Variants in SEMA6D observed in about 807,000 individuals in gnomAD.
SEMA6D encodes semaphorin-6D.
A neutral mutation model predicts 106.6 loss-of-function variants in SEMA6D; 35 were observed. The observed-to-expected ratio is 0.33, with a 90% confidence interval of 0.25 to 0.44. The LOEUF is 0.44. Among genes scored for constraint, SEMA6D ranks in the 20% least tolerant of loss-of-function variants. The pLI is 1.00. For missense variants in SEMA6D, 1,185 were observed against 1,345.9 expected, an observed-to-expected ratio of 0.88 and a Z score of 1.87; for synonymous variants, 499 against 487.7, an observed-to-expected ratio of 1.02 and a Z score of -0.31.
At chr15:47,721,642 G>A (rs1012430705) in intron 1 of SEMA6D, among the ~76,000 whole-genome samples, 1 of 152,174 alleles carries the variant, frequency 6.6e-6, no homozygotes, top group Non-Finnish European at 1.5e-5. Context: ...GATAATTGAA[G>A]CTGCTTGCAT....
At chr15:47,765,276 C>T in intron 13 of SEMA6D, 1 of 1,319,900 alleles carries the variant, frequency 7.6e-7, no homozygotes, top group Non-Finnish European at 9.7e-7. Context: ...TAATGCAGCC[C>T]TTGTTTTTCA....
At chr15:47,735,674 A>G (rs1335213146) in intron 1 of SEMA6D, among the ~76,000 whole-genome samples, 1 of 152,184 alleles carries the variant, frequency 6.6e-6, no homozygotes, top group African/African-American at 2.4e-5. Flanking sequence ...TCACAAGAGA[A>G]TGTGATGCTC....
At chr15:47,280,297 T>C (rs2035052056) in intron 1 of SEMA6D, among the ~76,000 whole-genome samples, 1 of 151,990 alleles carries the variant, frequency 6.6e-6, no homozygotes, top group African/African-American at 2.4e-5. Context: ...TCTTCTAGAT[T>C]TTCTAGTTTA....
intron 1 of SEMA6D, among the ~76,000 whole-genome samples, chr15:47,216,983 A>T (rs1483785546): frequency 6.6e-6 from 1 of 152,084 alleles, no homozygotes; most frequent in Non-Finnish European, 1.5e-5. Flanking sequence ...GAACTTTGGG[A>T]AGTGATTAGG....
intron 1 of SEMA6D, among the ~76,000 whole-genome samples, chr15:47,192,677 A>G (rs1171813389): frequency 6.6e-6 from 1 of 152,234 alleles, no homozygotes; most frequent in African/African-American, 2.4e-5. Flanking sequence ...TTACAATGTT[A>G]TGATTGTACA....
intron 1 of SEMA6D, among the ~76,000 whole-genome samples, chr15:47,381,466 C>T (rs1399393100): frequency 2.6e-5 from 4 of 152,104 alleles, no homozygotes; most frequent in Admixed American, 1.3e-4. Flanking sequence ...TGAAACCAAC[C>T]TCATTCATGC....
intron 1 of SEMA6D, among the ~76,000 whole-genome samples, chr15:47,365,979 A>G (rs2039014186): frequency 6.6e-6 from 1 of 151,858 alleles, no homozygotes; most frequent in South Asian, 2.1e-4. Flanking sequence ...AAGAAACAGA[A>G]CCTACCACGT....
At chr15:47,518,166 G>A (rs1656618) in intron 3 of SEMA6D, among the ~76,000 whole-genome samples, 56,744 of 152,032 alleles carry the variant, frequency 0.37, 11,662 homozygotes, top group East Asian at 0.8. Flanking sequence ...TTGTGGGGCT[G>A]TGATTTAGAG....
chr15:47,547,484 TG>T (rs1191889648), intron 3 of SEMA6D, among the ~76,000 whole-genome samples: 1 of 152,224 alleles, frequency 6.6e-6, no homozygotes, highest in African/African-American at 2.4e-5. Context: ...CTTTCGTTTT[TG>T]TTTTAAACAT....
chr15:47,188,753 A>T (rs1595714252), intron 1 of SEMA6D, among the ~76,000 whole-genome samples: 1 of 152,304 alleles, frequency 6.6e-6, no homozygotes, highest in East Asian at 1.9e-4. Context: ...AGTTGTTATG[A>T]ATAAGTGTTT....
intron 1 of SEMA6D, among the ~76,000 whole-genome samples, chr15:47,221,465 C>T (rs1195490026): frequency 1.3e-5 from 2 of 152,200 alleles, no homozygotes; most frequent in African/African-American, 2.4e-5. Context: ...TCATCAAAGT[C>T]TGTTCCTAGG....
At position 47,275,959 on chromosome 15, in the gene SEMA6D, A is replaced by T. The variant is rs2034789676; in HGVS notation, c.-239+91541A>T. Among the ~76,000 whole-genome samples the T allele has an allele frequency of 2.0e-5, 3 of 152,148 alleles. No individual in the cohort carries two copies. The South Asian group carries it at 6.2e-4, about 32-fold the overall frequency. The stretch of plus-strand genomic sequence containing the variant: ...GAACACATGAATGATATGAAAGCGA[A>T]ACATTTTTACTGCTGATATTCAGAA... On this transcript the variant is annotated intron_variant, in intron 1 of 19. Transcript: ENST00000558014.
At chr15:47,720,127 T>C (rs1345012177) in intron 1 of SEMA6D, among the ~76,000 whole-genome samples, 1 of 152,248 alleles carries the variant, frequency 6.6e-6, no homozygotes, top group Non-Finnish European at 1.5e-5. Flanking sequence ...TTCCAAAATG[T>C]GTTGTTGAGC....
At chr15:47,384,834 T>TTTTG (rs1269436695) in intron 1 of SEMA6D, among the ~76,000 whole-genome samples, 7 of 145,794 alleles carry the variant, frequency 4.8e-5, no homozygotes, top group Admixed American at 2.1e-4. Flanking sequence ...TTTTTTTTTT[T>TTTTG]TTTTTTTTTT....
At chr15:47,360,812 T>G (rs2038777098) in intron 1 of SEMA6D, among the ~76,000 whole-genome samples, 1 of 152,200 alleles carries the variant, frequency 6.6e-6, no homozygotes, top group Non-Finnish European at 1.5e-5. Context: ...GAAAGTAAAC[T>G]AAAATGTAAG....
At chr15:47,468,787 C>A (rs969910888) in intron 2 of SEMA6D, among the ~76,000 whole-genome samples, 1 of 152,088 alleles carries the variant, frequency 6.6e-6, no homozygotes, top group Non-Finnish European at 1.5e-5. Context: ...GATAAAATTG[C>A]CCACAACTGT....
Position 47,764,024 on chromosome 15 carries a change from G to A in SEMA6D, c.922G>A (p.Gly308Ser). 1.2e-6 allele frequency: 2 copies of A among 1,613,882 alleles called. No individual in the cohort carries two copies. Among genetic ancestry groups the A allele is most frequent in the African/African-American group, 2.7e-5 (2 of 75,006 alleles). The change falls in exon 10 of 19, where the codon GGC becomes AGC. Residue 308 changes from glycine (G) to serine (S), a missense_variant. This residue lies in a region of SEMA6D where 291 missense variants were observed against 423.8 expected (regional missense o/e 0.69). Transcript: ENST00000536845. Reference protein sequence around the residue: ...QSITDIIQINGIPTVVGVFTT... With the variant: ...QSITDIIQINSIPTVVGVFTT... ...TATTACAGACATAATACAAATCAAT[G>A]GCATCCCCACTGTGGTCGGGGTGTT...
chr15:47,227,947 T>TTTATATATATAAGAATCTTATATATATA (rs2141497530), intron 1 of SEMA6D, among the ~76,000 whole-genome samples: 1 of 141,716 alleles, frequency 7.1e-6, no homozygotes, highest in South Asian at 2.2e-4. Context: ...TTATATATAT[T>TTTATATATATAAGAATCTTATATATATA]TTTATATGTA....
chr15:47,611,303 T>G (rs1001298845), intron 4 of SEMA6D, among the ~76,000 whole-genome samples: 1 of 152,210 alleles, frequency 6.6e-6, no homozygotes, highest in African/African-American at 2.4e-5. Flanking sequence ...CCTTGCCTTT[T>G]TTATACCCTA....
Sources: gnomAD v4.1 joint callset for allele counts (sites outside exome capture counted in the v4.1 genomes callset) on GRCh38, gnomAD v4.1.1 for gene constraint, gnomAD v4.1.1 regional missense constraint, MANE v1.5 for transcripts, NCBI Gene and HGNC (gene_info 2026-07-23, HGNC 2026-07-21) for gene names.